FGF12: variants seen among roughly 807,000 people sequenced by gnomAD.
The protein encoded by FGF12 is fibroblast growth factor 12B.
A neutral mutation model predicts 23.6 loss-of-function variants in FGF12; 14 were observed. The observed-to-expected ratio is 0.59, with a 90% CI of 0.39 to 0.93. The LOEUF (loss-of-function observed/expected upper bound fraction) is 0.93. FGF12 is among the 40% of genes least tolerant of loss of function. FGF12 has a pLI of 0.00. For missense variants in FGF12, 175 were observed against 217.8 expected (o/e 0.80, Z 1.24); for synonymous variants, 62 against 77.3 (o/e 0.80, Z 1.04).
intron 4 of FGF12, among the ~76,000 whole-genome samples, chr3:192,281,633 G>T (rs548722982): frequency 2.0e-4 from 31 of 152,188 alleles, no homozygotes; most frequent in African/African-American, 6.7e-4. Context: ...GCTGCCGAAG[G>T]TCGCACTGTG....
At chr3:192,222,251 G>C (rs1193959773) in intron 4 of FGF12, among the ~76,000 whole-genome samples, 1 of 152,114 alleles carries the variant, frequency 6.6e-6, no homozygotes, top group Non-Finnish European at 1.5e-5. Flanking sequence ...GTTCAACAAA[G>C]AACGCTGAAA....
intron 4 of FGF12, among the ~76,000 whole-genome samples, chr3:192,243,726 T>A (rs1719740712): frequency 1.3e-5 from 2 of 152,044 alleles, no homozygotes; most frequent in Admixed American, 1.3e-4. Flanking sequence ...AACATCATTA[T>A]GTTGTTGAGT....
At chr3:192,464,872 A>G (rs923988857) in intron 2 of FGF12, among the ~76,000 whole-genome samples, 1 of 152,174 alleles carries the variant, frequency 6.6e-6, no homozygotes, top group African/African-American at 2.4e-5. Context: ...CTGGCTGTTA[A>G]GAAGAAAAAT....
intron 4 of FGF12, among the ~76,000 whole-genome samples, chr3:192,230,673 T>C (rs1389039300): frequency 6.6e-6 from 1 of 152,160 alleles, no homozygotes; most frequent in Non-Finnish European, 1.5e-5. Flanking sequence ...TTTGATGAAA[T>C]CTAATGTCAG....
intron 2 of FGF12, among the ~76,000 whole-genome samples, chr3:192,683,435 C>A (rs1360401003): frequency 6.6e-6 from 1 of 152,148 alleles, no homozygotes; most frequent in East Asian, 1.9e-4. Flanking sequence ...GTGGTGGCAG[C>A]ATCGGTGTTA....
intron 2 of FGF12, among the ~76,000 whole-genome samples, chr3:192,649,934 T>C (rs1363712346): frequency 1.3e-5 from 2 of 152,232 alleles, no homozygotes; most frequent in Non-Finnish European, 2.9e-5. Context: ...TTCTGTGGTA[T>C]ATTTTGCTCA....
At chr3:192,481,427 G>A (rs1723476391) in intron 2 of FGF12, among the ~76,000 whole-genome samples, 1 of 152,108 alleles carries the variant, frequency 6.6e-6, no homozygotes. Context: ...GGATTTACCA[G>A]TATCTCCAAC....
At chr3:192,588,398 G>A (rs558291192) in intron 2 of FGF12, among the ~76,000 whole-genome samples, 127 of 148,596 alleles carry the variant, frequency 8.5e-4, no homozygotes, top group African/African-American at 3.0e-3. Context: ...TCAGCATCTG[G>A]ATAAAAAATT....
At chr3:192,456,307 C>T (rs1722679743) in intron 2 of FGF12, among the ~76,000 whole-genome samples, 1 of 152,126 alleles carries the variant, frequency 6.6e-6, no homozygotes, top group Admixed American at 6.5e-5. Context: ...TTTGTTATGC[C>T]ACTGACCAAA....
At chr3:192,158,413 T>TTCCTTTCTTTCTCTC (rs1560171646) in intron 5 of FGF12, among the ~76,000 whole-genome samples, 586 of 6,982 alleles carry the variant, frequency 0.084, 17 homozygotes, top group African/African-American at 0.18. Context: ...TTTTCTTTCT[T>TTCCTTTCTTTCTCTC]TCTCTTTCTT....
chr3:192,252,277 T>G (rs570848480), intron 4 of FGF12, among the ~76,000 whole-genome samples: 174 of 151,310 alleles, frequency 1.1e-3, no homozygotes, highest in African/African-American at 4.0e-3. Flanking sequence ...TTTGGCCAAC[T>G]TGGCAAAACC....
At chr3:192,228,921 G>T (rs191549350) in intron 4 of FGF12, among the ~76,000 whole-genome samples, 1 of 151,896 alleles carries the variant, frequency 6.6e-6, no homozygotes, top group African/African-American at 2.4e-5. Flanking sequence ...GTTCAATTAC[G>T]TTTTTTTAAA....
intron 2 of FGF12, among the ~76,000 whole-genome samples, chr3:192,707,193 A>G (rs1718497945): frequency 6.6e-6 from 1 of 152,188 alleles, no homozygotes; most frequent in Admixed American, 6.5e-5. Flanking sequence ...CAGAAATGCC[A>G]CCCTTTGAAC....
At chr3:192,390,933 T>C (rs1720261588) in intron 2 of FGF12, among the ~76,000 whole-genome samples, 1 of 152,200 alleles carries the variant, frequency 6.6e-6, no homozygotes, top group Non-Finnish European at 1.5e-5. Flanking sequence ...ACATTCAAAT[T>C]AAGGCAAATT....
intron 2 of FGF12, among the ~76,000 whole-genome samples, chr3:192,364,238 C>T (rs1048718457): frequency 2.0e-5 from 3 of 152,282 alleles, no homozygotes; most frequent in Admixed American, 2.0e-4. Flanking sequence ...TGTTCTAGCA[C>T]AACAGTGACA....
chr3:192,251,907 G>A (rs1024508939), intron 4 of FGF12, among the ~76,000 whole-genome samples: 1 of 152,118 alleles, frequency 6.6e-6, no homozygotes, highest in African/African-American at 2.4e-5. Flanking sequence ...TCTGGATAGT[G>A]GTTACACAGG....
chr3:192,246,955 G>A (rs1170977254), intron 4 of FGF12, among the ~76,000 whole-genome samples: 4 of 138,542 alleles, frequency 2.9e-5, no homozygotes, highest in African/African-American at 1.1e-4. Context: ...AAAAAGAAAA[G>A]GAAAGAGAGG....
chr3:192,537,204 T>C (rs1415036393), intron 2 of FGF12, among the ~76,000 whole-genome samples: 1 of 152,252 alleles, frequency 6.6e-6, no homozygotes, highest in Non-Finnish European at 1.5e-5. Context: ...ATTTGTCTGT[T>C]GGTGGACATT....
At chr3:192,386,274 A>T (rs927960037) in intron 2 of FGF12, among the ~76,000 whole-genome samples, 4 of 152,150 alleles carry the variant, frequency 2.6e-5, no homozygotes, top group African/African-American at 9.7e-5. Context: ...TCATACATTT[A>T]TATCTATGTT....
Sources: gnomAD v4.1 joint callset for allele counts (sites outside exome capture counted in the v4.1 genomes callset) on GRCh38, gnomAD v4.1.1 for gene constraint, MANE v1.5 for transcripts, NCBI Gene and HGNC (gene_info 2026-07-23, HGNC 2026-07-21) for gene names.